Variants in STX8 observed in about 807,000 individuals in gnomAD.
STX8 encodes syntaxin 8.
STX8 carries 23 observed loss-of-function variants against 37.5 expected under a neutral mutation model. That is an observed-to-expected ratio of 0.61 (90% confidence interval 0.44 to 0.87). The LOEUF is 0.87. Among genes scored for constraint, STX8 ranks in the 40% least tolerant of loss-of-function variants. STX8 has a pLI of 0.00. For synonymous variants in STX8, 115 were observed against 99.1 expected (o/e 1.16, Z -0.95); for missense variants, 313 against 284.7 (o/e 1.10, Z -0.71).
intron 2 of STX8, among the ~76,000 whole-genome samples, chr17:9,564,343 GAAAGA>G (rs1479259651): frequency 6.6e-6 from 1 of 150,934 alleles, no homozygotes; most frequent in Non-Finnish European, 1.5e-5. Flanking sequence ...GGAAGGAAAA[GAAAGA>G]AAAGAAAGAG....
chr17:9,254,909 TAAG>T (rs1192747791), intron 7 of STX8, among the ~76,000 whole-genome samples: 3 of 151,958 alleles, frequency 2.0e-5, no homozygotes, highest in Admixed American at 2.0e-4. Context: ...TTGGAAGGGA[TAAG>T]AAGAGTCAAG....
At chr17:9,390,506 G>T (rs552781758) in intron 6 of STX8, among the ~76,000 whole-genome samples, 2 of 137,066 alleles carry the variant, frequency 1.5e-5, no homozygotes, top group East Asian at 4.5e-4. Flanking sequence ...TGGACAGCAA[G>T]AGCGAAACTC....
chr17:9,288,183 G>GGA (rs1908160016), intron 7 of STX8, among the ~76,000 whole-genome samples: 6 of 84,902 alleles, frequency 7.1e-5, no homozygotes, highest in Non-Finnish European at 1.4e-4. Flanking sequence ...CCTTCCCCCT[G>GGA]AAAAAAAAAA....
intron 4 of STX8, among the ~76,000 whole-genome samples, chr17:9,544,952 G>C (rs564479040): frequency 6.6e-6 from 1 of 152,092 alleles, no homozygotes; most frequent in African/African-American, 2.4e-5. Context: ...CCAAGATCAC[G>C]CCACTGCACT....
At chr17:9,473,574 C>T (rs1163473636) in intron 6 of STX8, among the ~76,000 whole-genome samples, 6 of 152,044 alleles carry the variant, frequency 3.9e-5, no homozygotes, top group Admixed American at 1.3e-4. Flanking sequence ...AATGGAAATG[C>T]TATGTAATAG....
intron 7 of STX8, among the ~76,000 whole-genome samples, chr17:9,261,531 C>A (rs1361658836): frequency 6.6e-6 from 1 of 152,142 alleles, no homozygotes; most frequent in Non-Finnish European, 1.5e-5. Context: ...AGATGATAGC[C>A]GTTCCTTAGA....
chr17:9,259,685 CT>C (rs1375033585), intron 7 of STX8, among the ~76,000 whole-genome samples: 1 of 152,148 alleles, frequency 6.6e-6, no homozygotes, highest in East Asian at 1.9e-4. Context: ...GTGAGAGGAA[CT>C]GTGAAAGGCC....
intron 6 of STX8, among the ~76,000 whole-genome samples, chr17:9,401,055 G>A (rs192569904): frequency 2.0e-5 from 3 of 152,292 alleles, no homozygotes; most frequent in Admixed American, 1.3e-4. Flanking sequence ...ATGTCAGCCT[G>A]AGAAACTTCC....
intron 3 of STX8, among the ~76,000 whole-genome samples, chr17:9,547,832 T>C (rs1372331028): frequency 1.4e-5 from 2 of 147,490 alleles, no homozygotes; most frequent in Non-Finnish European, 3.0e-5. Context: ...TGCTCTATCA[T>C]CCCAGGCTGA....
chr17:9,456,032 G>C (rs545300999), intron 6 of STX8, among the ~76,000 whole-genome samples: 22 of 152,156 alleles, frequency 1.4e-4, no homozygotes, highest in African/African-American at 5.3e-4. Flanking sequence ...CTAACCTGAC[G>C]ATCCAACTGT....
chr17:9,323,256 G>A (rs1172562544), intron 7 of STX8, among the ~76,000 whole-genome samples: 2 of 151,754 alleles, frequency 1.3e-5, no homozygotes, highest in African/African-American at 4.8e-5. Context: ...AATAACCCTT[G>A]GAAATTTCTC....
intron 6 of STX8, among the ~76,000 whole-genome samples, chr17:9,478,662 G>A (rs1295697570): frequency 1.3e-5 from 2 of 152,116 alleles, no homozygotes; most frequent in African/African-American, 4.8e-5. Context: ...AGCCCTCTGC[G>A]TCCTGTCTCA....
intron 6 of STX8, among the ~76,000 whole-genome samples, chr17:9,426,919 T>A (rs142526568): frequency 6.6e-6 from 1 of 152,242 alleles, no homozygotes; most frequent in Non-Finnish European, 1.5e-5. Context: ...ATAACTTATA[T>A]TACCTAGTAT....
Position 9,329,296 on chromosome 17 carries a change from C to T in STX8, c.643+49256G>A, listed in dbSNP as rs73267989. On this transcript the variant is annotated intron_variant, in intron 7 of 7. Coordinates refer to ENST00000306357, the MANE Select transcript of STX8 (RefSeq NM_004853.3). ...TTTCACCTCCTTTTATAGGCATGTTCAATCAATGGCAACAATATTCTACAT... is the reference window on the plus strand; with the variant it reads ...TTTCACCTCCTTTTATAGGCATGTTTAATCAATGGCAACAATATTCTACAT... Among the ~76,000 whole-genome samples the T allele has an allele frequency of 9.2e-3, 1,406 of 152,196 alleles. 20 individuals carry two copies. Among genetic ancestry groups the T allele is most frequent in the African/African-American group, 0.031 (1,300 of 41,520 alleles).
intron 7 of STX8, among the ~76,000 whole-genome samples, chr17:9,338,296 C>T (rs910640220): frequency 1.3e-5 from 2 of 151,848 alleles, no homozygotes; most frequent in African/African-American, 4.8e-5. Context: ...TCAGGTGATC[C>T]GCCTACATCA....
intron 7 of STX8, among the ~76,000 whole-genome samples, chr17:9,299,188 C>T (rs1462578682): frequency 2.0e-5 from 3 of 152,142 alleles, no homozygotes; most frequent in African/African-American, 7.2e-5. Flanking sequence ...CACACTCACG[C>T]AGGCACAGTG....
chr17:9,461,573 G>A (rs1905390348), intron 6 of STX8, among the ~76,000 whole-genome samples: 2 of 152,150 alleles, frequency 1.3e-5, no homozygotes, highest in Non-Finnish European at 2.9e-5. Flanking sequence ...CCAGGAGAAA[G>A]TGTGAATTTG....
intron 6 of STX8, among the ~76,000 whole-genome samples, chr17:9,458,093 T>C (rs1007716235): frequency 2.6e-5 from 4 of 152,244 alleles, no homozygotes; most frequent in Non-Finnish European, 5.9e-5. Context: ...TACTATGTAT[T>C]CTAGTTATGG....
intron 6 of STX8, among the ~76,000 whole-genome samples, chr17:9,436,176 A>G (rs924199037): frequency 2.1e-5 from 3 of 141,944 alleles, no homozygotes; most frequent in African/African-American, 7.9e-5. Flanking sequence ...GTCTCTACTA[A>G]AAATACAAAA....
Sources: gnomAD v4.1 joint callset for allele counts (sites outside exome capture counted in the v4.1 genomes callset) on GRCh38, gnomAD v4.1.1 for gene constraint, MANE v1.5 for transcripts, NCBI Gene and HGNC (gene_info 2026-07-23, HGNC 2026-07-21) for gene names.